Variants in BMS1 observed in about 807,000 individuals in gnomAD.
The protein encoded by BMS1 is BMS1 ribosome biogenesis factor.
BMS1 carries 53 observed loss-of-function variants against 138.7 expected under a neutral mutation model. That is an observed-to-expected ratio of 0.38 (90% CI 0.31 to 0.48). The LOEUF (loss-of-function observed/expected upper bound fraction) is 0.48, where lower values mean the gene tolerates loss of function less well. Among genes scored for constraint, BMS1 ranks in the 20% least tolerant of loss-of-function variants. BMS1 has a pLI of 0.97. For synonymous variants in BMS1, 504 were observed against 539.9 expected (o/e 0.93, Z 0.92); for missense variants, 1,360 against 1,565.5 (o/e 0.87, Z 2.22).
In BMS1 at chr10:42,822,085, A is replaced by G. The variant is rs1236628975; in HGVS notation, c.3033A>G (p.Thr1011=). ...GIMPDFRIAA[T]GVVLDLDKSI... is the part of the protein sequence containing the mutation. ...AGCCTGATTTTCGGATAGCTGCTAC[A>G]GGAGTTGTCCTTGATCTGGATAAAT... Residue 1011 remains threonine, a synonymous_variant, in exon 19 of 23, where the codon ACA becomes ACG. Coordinates refer to ENST00000374518, the MANE Select transcript of BMS1 (RefSeq NM_014753.4). 2.5e-6 allele frequency: 4 copies of G among 1,593,494 alleles called. No individual in the cohort carries two copies. The highest frequency in any genetic ancestry group is 2.5e-6 in the Non-Finnish European group (3 of 1,177,340).
intron 4 of BMS1, among the ~76,000 whole-genome samples, chr10:42,787,992 A>G (rs1397239623): frequency 3.3e-5 from 5 of 152,228 alleles, no homozygotes; most frequent in African/African-American, 1.2e-4. Context: ...GTGTGGGGTG[A>G]CAGACACCTT....
intron 11 of BMS1, among the ~76,000 whole-genome samples, chr10:42,798,241 G>T (rs1465693950): frequency 1.3e-5 from 2 of 152,114 alleles, no homozygotes; most frequent in Non-Finnish European, 2.9e-5. Flanking sequence ...TCCCGTGCAG[G>T]AGCACAGGAG....
rs1842470258 is a variant in BMS1, at chr10:42,820,359, G to A, written c.2704G>A (p.Asp902Asn). ...TCCCTGTGAATTTGTGCAGAACTTT[G>A]ACCCCCATTACCCCATTATCCTGGG... ...NVPCEFVQNF[D>N]PHYPIILGGL... Residue 902 changes from aspartate to asparagine, a missense_variant, in exon 16 of 23, where the codon GAC becomes AAC. Coordinates refer to ENST00000374518, the MANE Select transcript of BMS1 (RefSeq NM_014753.4). The A allele has an allele frequency of 5.6e-6, 9 of 1,613,662 alleles. No individual in the cohort carries two copies. The highest frequency in any genetic ancestry group is 7.6e-6 in the Non-Finnish European group (9 of 1,179,862).
chr10:42,816,993 G>T (rs977184680), intron 14 of BMS1, among the ~76,000 whole-genome samples: 10 of 152,136 alleles, frequency 6.6e-5, no homozygotes, highest in Non-Finnish European at 1.2e-4. Flanking sequence ...TCATTTAAAA[G>T]AATGAAGTCC....
intron 5 of BMS1, among the ~76,000 whole-genome samples, chr10:42,790,857 A>C (rs1415031956): frequency 1.3e-5 from 2 of 152,186 alleles, no homozygotes; most frequent in Non-Finnish European, 2.9e-5. Flanking sequence ...TCTCAAAAAA[A>C]AAAAATACTA....
chr10:42,818,783 C>A (rs1842421233), intron 15 of BMS1, among the ~76,000 whole-genome samples: 1 of 152,052 alleles, frequency 6.6e-6, no homozygotes, highest in Non-Finnish European at 1.5e-5. Flanking sequence ...GGAGTGAGTG[C>A]AGAGTGAGTG....
Position 42,834,138 on chromosome 10 carries a change from A to G in BMS1, c.*3042A>G, listed in dbSNP as rs1217265287. 1 of 152,218 alleles carries G rather than the reference A, an allele frequency of 6.6e-6. No homozygotes were observed. The highest frequency in any genetic ancestry group is 1.5e-5 in the Non-Finnish European group (1 of 68,050). The allele number at this position is 152,218 out of a possible 1,614,324, so 9.4% of individuals were successfully genotyped here. A position where few individuals can be genotyped will look rare whatever the true frequency, so the allele number is the denominator to read the frequency against. On this transcript the variant is annotated 3_prime_UTR_variant, in exon 23 of 23. Transcript: ENST00000374518. ...TAGGTGCTAGGTATGTTTTGAAAACATATTGAACCTACAGTGTACATATCA... is the reference window on the plus strand; with the variant it reads ...TAGGTGCTAGGTATGTTTTGAAAACGTATTGAACCTACAGTGTACATATCA...
chr10:42,819,082 T>C (rs1842430023), intron 15 of BMS1, among the ~76,000 whole-genome samples: 1 of 152,128 alleles, frequency 6.6e-6, no homozygotes, highest in African/African-American at 2.4e-5. Context: ...CAGAAAACTT[T>C]TGTGGGGTTT....
chr10:42,824,564 C>T (rs1202146534), intron 21 of BMS1, among the ~76,000 whole-genome samples: 1 of 152,166 alleles, frequency 6.6e-6, no homozygotes. Context: ...CTAAGGCCAA[C>T]GTCAAGAGGC....
chr10:42,792,826 G>A (rs1165255151), intron 7 of BMS1, 131 bp from the exon 8 acceptor site: 1 of 1,298,998 alleles, frequency 7.7e-7, no homozygotes, highest in African/African-American at 1.5e-5. Flanking sequence ...CTGTTCCAGT[G>A]TGGCACAATG....
chr10:42,785,695 C>CA (rs1841307284), intron 3 of BMS1, 23 bp downstream of exon 3: 1 of 1,608,998 alleles, frequency 6.2e-7, no homozygotes, highest in Non-Finnish European at 8.5e-7. Flanking sequence ...ACCACAGACA[C>CA]AGAGTTGGCG....
chr10:42,810,476 T>C lies in BMS1; in HGVS notation c.2330-6123T>C, dbSNP rs1342935846. ...TTGTTTTTTCTTTTTGTGGTGGTAC[T>C]GTCTTCATCTGGTTTTGGCATTGGG... On this transcript the variant is annotated intron_variant, in intron 13 of 22. Transcript: ENST00000374518. Among the ~76,000 whole-genome samples, 15 of 152,342 alleles carry C rather than the reference T, an allele frequency of 9.8e-5. No homozygotes were observed. The East Asian group carries it at 2.9e-3, about 29-fold the overall frequency.
At position 42,831,084 on chromosome 10, in the gene BMS1, C is replaced by G. The variant is rs1842790238; in HGVS notation, c.3837C>G (p.Gly1279=). The G allele has an allele frequency of 5.1e-6, 8 of 1,564,282 alleles. No homozygotes were observed. The East Asian group carries it at 1.9e-4, about 37-fold the overall frequency. Residue 1279 remains glycine, a synonymous_variant, in exon 23 of 23, where the codon GGC becomes GGG. Coordinates refer to ENST00000374518, the MANE Select transcript of BMS1 (RefSeq NM_014753.4). ...NQKSSLKGAE[G]QLQ is the part of the protein sequence containing the mutation. ...AGTCCAGTTTGAAGGGGGCTGAGGG[C>G]CAATTGCAGTGAGCCTTTGGACTGG...
Position 42,831,944 on chromosome 10 carries a change from A to C in BMS1, c.*848A>C, listed in dbSNP as rs1164744308. On this transcript the variant is annotated 3_prime_UTR_variant, in exon 23 of 23. Transcript: ENST00000374518. ...ATGTTGATATAGTTATGGGGAATCTATTCCTATACGATGTAATCATAGATT... is the reference window on the plus strand; with the variant it reads ...ATGTTGATATAGTTATGGGGAATCTCTTCCTATACGATGTAATCATAGATT... The C allele has an allele frequency of 2.0e-5, 3 of 152,154 alleles. No individual in the cohort carries two copies. The highest frequency in any genetic ancestry group is 2.9e-5 in the Non-Finnish European group (2 of 68,032). The allele number at this position is 152,154 out of a possible 1,614,324, so 9.4% of individuals were successfully genotyped here.
chr10:42,804,743 T>G (rs1057040218), intron 13 of BMS1, among the ~76,000 whole-genome samples: 25 of 141,378 alleles, frequency 1.8e-4, no homozygotes, highest in East Asian at 6.5e-4. Flanking sequence ...TTTTTTTTTT[T>G]GGGATGGAGT....
intron 9 of BMS1, among the ~76,000 whole-genome samples, chr10:42,794,695 C>T (rs926582030): frequency 1.2e-4 from 18 of 151,682 alleles, no homozygotes; most frequent in Non-Finnish European, 1.9e-4. Context: ...TCTTTGTCTA[C>T]AAGAATACTC....
intron 13 of BMS1, among the ~76,000 whole-genome samples, chr10:42,804,786 C>T (rs1004723938): frequency 1.3e-5 from 2 of 151,388 alleles, no homozygotes; most frequent in South Asian, 2.1e-4. Context: ...GATGTGATCT[C>T]GGCTCACTGC....
At chr10:42,794,295 G>A (rs1237990562) in intron 9 of BMS1, among the ~76,000 whole-genome samples, 2 of 152,084 alleles carry the variant, frequency 1.3e-5, no homozygotes, top group African/African-American at 2.4e-5. Context: ...TCTTTTGGTG[G>A]CCAAAACACT....
intron 21 of BMS1, among the ~76,000 whole-genome samples, chr10:42,825,376 A>C (rs1842608359): frequency 6.6e-6 from 1 of 152,266 alleles, no homozygotes; most frequent in Non-Finnish European, 1.5e-5. Flanking sequence ...AAATCTGTAT[A>C]TTTGCTTTGG....
Sources: gnomAD v4.1 joint callset for allele counts (sites outside exome capture counted in the v4.1 genomes callset) on GRCh38, gnomAD v4.1.1 for gene constraint, MANE v1.5 for transcripts, NCBI Gene and HGNC (gene_info 2026-07-23, HGNC 2026-07-21) for gene names.